The following SQLE variants were observed in gnomAD, a reference collection of about 807,000 sequenced individuals.
The protein encoded by SQLE is squalene monooxygenase.
Under a neutral mutation model 60.7 loss-of-function variants are expected in SQLE, and 29 were observed. The ratio of observed to expected loss-of-function variants is 0.48; its 90% CI spans 0.36 to 0.65. The LOEUF is 0.65. SQLE is among the 30% of genes least tolerant of loss of function. SQLE has a pLI of 0.00. For missense variants in SQLE, 605 were observed against 684.1 expected (o/e 0.88, Z 1.29); for synonymous variants, 237 against 246.8 (o/e 0.96, Z 0.37).
chr8:125,020,995 A>G lies in SQLE; in HGVS notation c.1532+124A>G, dbSNP rs116435604. 1.0e-3 allele frequency: 677 copies of G among 675,226 alleles called. 6 individuals are homozygous for G. In the African/African-American group the frequency reaches 0.012, roughly 12 times the overall value. 41.8% of individuals were successfully genotyped at this position (675,226 alleles called of 1,614,324 possible). On this transcript the variant is annotated intron_variant, in intron 10 of 10. Coordinates refer to ENST00000265896, the MANE Select transcript of SQLE (RefSeq NM_003129.4). ...TATTTTATTATCTGTTAGTATCCCAATGAGAAGGTGGCCCAAAGAAATGAA... is the reference window on the plus strand; with the variant it reads ...TATTTTATTATCTGTTAGTATCCCAGTGAGAAGGTGGCCCAAAGAAATGAA...
intron 1 of SQLE, among the ~76,000 whole-genome samples, chr8:125,002,091 T>C (rs1814864611): frequency 6.6e-6 from 1 of 152,206 alleles, no homozygotes; most frequent in Non-Finnish European, 1.5e-5. Context: ...TTTTTCCTTG[T>C]TCCTTTTTTG....
chr8:124,998,952 G>A lies in SQLE; in HGVS notation c.-452G>A, dbSNP rs574076784. ...GCTAGGCCACGTTTCCCCCAGTGCC[G>A]AGGTGTTTCTGTGACCCTCCCTCCA... is the stretch of plus-strand genomic sequence containing the variant. On this transcript the variant is annotated 5_prime_UTR_variant, in exon 1 of 11. Transcript: ENST00000265896. 1 of 327,166 alleles carries A rather than the reference G, an allele frequency of 3.1e-6. No individual in the cohort carries two copies. The highest frequency in any genetic ancestry group is 5.5e-6 in the Non-Finnish European group (1 of 181,032). 20.3% of individuals were successfully genotyped at this position (327,166 alleles called of 1,614,324 possible).
At chr8:125,003,697 A>G (rs576847046) in intron 2 of SQLE, among the ~76,000 whole-genome samples, 1 of 152,306 alleles carries the variant, frequency 6.6e-6, no homozygotes, top group African/African-American at 2.4e-5. Context: ...AAATCCTAGA[A>G]TGAGGGCATT....
chr8:125,013,914 A>G (rs972586328), intron 7 of SQLE, among the ~76,000 whole-genome samples: 1 of 152,176 alleles, frequency 6.6e-6, no homozygotes, highest in Non-Finnish European at 1.5e-5. Context: ...TTTTCAGAGT[A>G]TAAGTTTTGC....
rs991548198 is a variant in SQLE, at chr8:124,998,689, C to T, written c.-715C>T. ...TTTTATCGGTGGGGAAGTGCAGTCG[C>T]GGTGGGCGGCTCTGGGGGCCAGCGA... On this transcript the variant is annotated 5_prime_UTR_variant, in exon 1 of 11. Transcript: ENST00000265896. 3.3e-5 allele frequency: 21 copies of T among 638,996 alleles called. No individual in the cohort carries two copies. Among genetic ancestry groups the T allele is most frequent in the Middle Eastern group, 2.5e-4 (1 of 4,066 alleles). 39.6% of individuals were successfully genotyped at this position (638,996 alleles called of 1,614,324 possible).
rs15905 is a variant in SQLE, at chr8:124,998,563, G to C, written c.-841G>C. ...TGCGACGGTTACTCTGGTTACTGGG[G>C]CCGCGCCGCGCTGGCGAGAGCCGCC... On this transcript the variant is annotated 5_prime_UTR_variant, in exon 1 of 11. Transcript: ENST00000265896. 58,545 of 683,258 alleles carry C rather than the reference G, an allele frequency of 0.086. 2,939 individuals carry two copies. Among genetic ancestry groups the C allele is most frequent in the Middle Eastern group, 0.22 (757 of 3,406 alleles). The allele number at this position is 683,258 out of a possible 1,614,324, so 42.3% of individuals were successfully genotyped here.
intron 7 of SQLE, among the ~76,000 whole-genome samples, chr8:125,012,393 C>G (rs944694555): frequency 2.0e-5 from 3 of 152,140 alleles, no homozygotes; most frequent in Non-Finnish European, 4.4e-5. Context: ...CCAAAGAAAC[C>G]CCGTACCCAT....
chr8:125,021,858 C>T lies in SQLE; in HGVS notation c.1638C>T (p.Ala546=), dbSNP rs750657022. The change falls in exon 11 of 11, where the codon GCC becomes GCT. Residue 546 remains alanine (A), a synonymous_variant. Transcript: ENST00000265896. ...KSEPWITKPR[A]LLSSGAVLYK... is the part of the protein sequence containing the mutation. The stretch of plus-strand genomic sequence containing the variant: ...AACCTTGGATTACAAAACCTCGAGC[C>T]CTTCTCAGTAGTGGTGCTGTATTGT... 6.2e-6 allele frequency: 10 copies of T among 1,610,904 alleles called. No individual in the cohort carries two copies. In the African/African-American group the frequency reaches 1.2e-4, roughly 19 times the overall value.
chr8:125,008,952 GTCT>G lies in SQLE; in HGVS notation c.823-16_823-14del. ...GTGTTTCTGACTACTAAACTGAGTA[GTCT>G]TCATTTCTGTTATAGGAACTCCATG... On this transcript the variant is annotated splice_polypyrimidine_tract_variant and intron_variant, in intron 4 of 10. Coordinates refer to ENST00000265896, the MANE Select transcript of SQLE (RefSeq NM_003129.4). 1 of 1,514,846 alleles carries G rather than the reference GTCT, an allele frequency of 6.6e-7. No homozygotes were observed. The highest frequency in any genetic ancestry group is 8.8e-7 in the Non-Finnish European group (1 of 1,131,874). 93.8% of individuals were successfully genotyped at this position (1,514,846 alleles called of 1,614,324 possible).
intron 9 of SQLE, chr8:125,018,956 C>A (rs1586320611): frequency 2.2e-6 from 1 of 455,642 alleles, no homozygotes; most frequent in South Asian, 2.6e-5. Flanking sequence ...GCCTCAGTAA[C>A]ATATTCATTA....
In SQLE at chr8:125,022,096, T is replaced by A; in HGVS notation, c.*151T>A. 2.1e-6 allele frequency: 1 copy of A among 474,094 alleles called. No individual in the cohort carries two copies. Among genetic ancestry groups the A allele is most frequent in the Non-Finnish European group, 3.4e-6 (1 of 292,888 alleles). 29.4% of individuals were successfully genotyped at this position (474,094 alleles called of 1,614,324 possible). ...TGGATTAATTTGTTTTTGAAGTTTT[T>A]TGTATATAAATATGTAAATACATGC... On this transcript the variant is annotated 3_prime_UTR_variant, in exon 11 of 11. Transcript: ENST00000265896.
chr8:125,019,126 C>A (rs1815159690), intron 9 of SQLE: 1 of 178,884 alleles, frequency 5.6e-6, no homozygotes, highest in Admixed American at 6.3e-5. Context: ...AAAATGAATA[C>A]AAGCTGTTAA....
intron 6 of SQLE, among the ~76,000 whole-genome samples, 156 bp downstream of exon 6, chr8:125,009,499 TA>T (rs943504323): frequency 5.3e-5 from 8 of 151,766 alleles, no homozygotes; most frequent in East Asian, 1.9e-4. Context: ...CCCAAATTAA[TA>T]AAAAAAAGTT....
intron 8 of SQLE, 103 bp from the exon 9 acceptor site, chr8:125,018,528 C>A: frequency 1.3e-6 from 1 of 745,874 alleles, no homozygotes; most frequent in Non-Finnish European, 2.1e-6. Context: ...ATATTACTTG[C>A]AGATAGTCCT....
At position 124,999,269 on chromosome 8, in the gene SQLE, G is replaced by A; in HGVS notation, c.-135G>A. 3.7e-6 allele frequency: 3 copies of A among 809,256 alleles called. No homozygotes were observed. The highest frequency in any genetic ancestry group is 5.1e-6 in the Non-Finnish European group (3 of 587,754). 50.1% of individuals were successfully genotyped at this position (809,256 alleles called of 1,614,324 possible). ...AAAAACTGGTCTGATCGGACTTCTC[G>A]TCCTGGGACACTGTTTACTGGAGTC... On this transcript the variant is annotated 5_prime_UTR_variant, in exon 1 of 11. Transcript: ENST00000265896.
intron 6 of SQLE, among the ~76,000 whole-genome samples, chr8:125,009,753 A>G (rs1457505346): frequency 6.6e-6 from 1 of 151,928 alleles, no homozygotes; most frequent in Non-Finnish European, 1.5e-5. Flanking sequence ...AGATCGTGCC[A>G]TTGCACTCCA....
At chr8:125,011,700 A>G (rs1290333720) in intron 7 of SQLE, 68 bp downstream of exon 7, 1 of 1,305,260 alleles carries the variant, frequency 7.7e-7, no homozygotes, top group Non-Finnish European at 1.1e-6. Flanking sequence ...GATTAAATTT[A>G]TACTGTTACG....
In SQLE at chr8:124,999,244, A is replaced by T; in HGVS notation, c.-160A>T. The T allele has an allele frequency of 1.9e-5, 11 of 593,252 alleles. No homozygotes were observed. Among genetic ancestry groups the T allele is most frequent in the Non-Finnish European group, 2.0e-5 (8 of 399,062 alleles). 36.7% of individuals were successfully genotyped at this position (593,252 alleles called of 1,614,324 possible). ...TTTACACTAACTTTATATGATTTTT[A>T]AAAACTGGTCTGATCGGACTTCTCG... On this transcript the variant is annotated 5_prime_UTR_variant, in exon 1 of 11. An upstream open reading frame in the 5' UTR gains an earlier in-frame stop. Transcript: ENST00000265896.
chr8:125,021,741 T>C lies in SQLE; in HGVS notation c.1533-12T>C. 3.2e-6 allele frequency: 5 copies of C among 1,564,872 alleles called. No individual in the cohort carries two copies. Among genetic ancestry groups the C allele is most frequent in the Non-Finnish European group, 4.3e-6 (5 of 1,152,430 alleles). ...TCTGAGTCTTACCAATATGTATTTT[T>C]TTCTATTACAGATTGTCTCCTAACC... On this transcript the variant is annotated splice_polypyrimidine_tract_variant and intron_variant, in intron 10 of 10. Coordinates refer to ENST00000265896, the MANE Select transcript of SQLE (RefSeq NM_003129.4).
Sources: gnomAD v4.1 joint callset for allele counts (sites outside exome capture counted in the v4.1 genomes callset) on GRCh38, gnomAD v4.1.1 for gene constraint, MANE v1.5 for transcripts, NCBI Gene and HGNC (gene_info 2026-07-23, HGNC 2026-07-21) for gene names.